The following ANKRD44 variants were observed in gnomAD, a reference collection of about 807,000 sequenced individuals.
ANKRD44 encodes serine/threonine-protein phosphatase 6 regulatory ankyrin repeat subunit B.
ANKRD44 carries 35 observed loss-of-function variants against 116.0 expected under a neutral mutation model. The observed-to-expected ratio is 0.30, with a 90% confidence interval of 0.23 to 0.40. The LOEUF is 0.40. ANKRD44 is among the 10% of genes least tolerant of loss of function. The pLI is 1.00. For synonymous variants in ANKRD44, 435 were observed against 461.8 expected (o/e 0.94, Z 0.74); for missense variants, 1,014 against 1,242.6 (o/e 0.82, Z 2.77).
chr2:197,051,273 C>A (rs2077102129), intron 16 of ANKRD44, among the ~76,000 whole-genome samples: 1 of 152,134 alleles, frequency 6.6e-6, no homozygotes, highest in Non-Finnish European at 1.5e-5. Flanking sequence ...CCTTTCTTAT[C>A]ACTTTTAAGG....
chr2:197,204,152 T>C (rs2081153744), intron 1 of ANKRD44, among the ~76,000 whole-genome samples: 1 of 152,128 alleles, frequency 6.6e-6, no homozygotes, highest in African/African-American at 2.4e-5. Flanking sequence ...CTTATTAAAA[T>C]TGGCCTTTTG....
At chr2:197,122,195 A>G (rs984656344) in intron 7 of ANKRD44, among the ~76,000 whole-genome samples, 4 of 152,056 alleles carry the variant, frequency 2.6e-5, no homozygotes, top group Admixed American at 2.0e-4. Context: ...GGGGGACAGG[A>G]TGTTCCAGCC....
chr2:197,284,930 G>A (rs1444420291), intron 1 of ANKRD44, among the ~76,000 whole-genome samples: 1 of 151,348 alleles, frequency 6.6e-6, no homozygotes, highest in Non-Finnish European at 1.5e-5. Context: ...TCAATGTTAA[G>A]ATACGAAGAG....
At chr2:197,257,371 AG>A (rs1222694263) in intron 1 of ANKRD44, among the ~76,000 whole-genome samples, 1 of 130,070 alleles carries the variant, frequency 7.7e-6, no homozygotes, top group Non-Finnish European at 1.7e-5. Flanking sequence ...GAAACACAGA[AG>A]TTTTTTTTTT....
intron 16 of ANKRD44, among the ~76,000 whole-genome samples, chr2:197,055,157 A>G (rs2077180282): frequency 6.6e-6 from 1 of 152,174 alleles, no homozygotes; most frequent in African/African-American, 2.4e-5. Flanking sequence ...TAACACACAC[A>G]TTGTAGTTCT....
At chr2:197,271,925 G>A (rs1278247999) in intron 1 of ANKRD44, among the ~76,000 whole-genome samples, 4 of 152,042 alleles carry the variant, frequency 2.6e-5, no homozygotes, top group African/African-American at 9.7e-5. Context: ...CTGTCTTAGA[G>A]GGCTGCTATT....
intron 4 of ANKRD44, among the ~76,000 whole-genome samples, chr2:197,127,349 T>C (rs2078998832): frequency 1.3e-5 from 2 of 152,202 alleles, no homozygotes; most frequent in Admixed American, 6.5e-5. Context: ...TTTAATATAA[T>C]ATTTTGGCAA....
At chr2:197,080,097 C>T (rs2077759531) in intron 15 of ANKRD44, among the ~76,000 whole-genome samples, 1 of 152,176 alleles carries the variant, frequency 6.6e-6, no homozygotes, top group Non-Finnish European at 1.5e-5. Context: ...GAATTTGACT[C>T]TTTAAATGAA....
In ANKRD44 at chr2:197,153,225, C is replaced by CAAAAAAAAAAAAAA. The variant is rs75600123; in HGVS notation, c.112-6134_112-6121dup. 1.9e-4 allele frequency among the ~76,000 whole-genome samples: 13 copies of CAAAAAAAAAAAAAA among 69,326 alleles called. No homozygotes were observed. The East Asian group carries it at 2.1e-3, about 11-fold the overall frequency. The allele number at this position is 69,326 out of a possible 152,430, so 45.5% of individuals were successfully genotyped here. ...TCTGGGTGACAGAGCAAGACCCTGC[C>CAAAAAAAAAAAAAA]AAAAAAAAAAAAAAAAAAAAAAGAA... On this transcript the variant is annotated intron_variant, in intron 2 of 27. Transcript: ENST00000282272.
chr2:196,987,447 A>C lies in ANKRD44; in HGVS notation c.*2144T>G. 1.0e-6 allele frequency: 1 copy of C among 985,406 alleles called. No individual in the cohort carries two copies. Among genetic ancestry groups the C allele is most frequent in the Non-Finnish European group, 1.2e-6 (1 of 829,890 alleles). 61.0% of individuals were successfully genotyped at this position (985,406 alleles called of 1,614,324 possible). On this transcript the variant is annotated 3_prime_UTR_variant, in exon 28 of 28. Coordinates refer to ENST00000282272, the MANE Select transcript of ANKRD44 (RefSeq NM_001195144.2). ...AGGCACTCTAACTTCATATTACAAG[A>C]CAATAAAACGGATGAGTTCTTCAAC...
intron 1 of ANKRD44, among the ~76,000 whole-genome samples, chr2:197,200,850 T>C (rs1325731673): frequency 1.3e-5 from 2 of 152,242 alleles, no homozygotes; most frequent in Non-Finnish European, 2.9e-5. Context: ...GTCACTACAG[T>C]GTTGGTCTTT....
intron 1 of ANKRD44, among the ~76,000 whole-genome samples, chr2:197,197,458 ACC>A (rs1334618127): frequency 6.6e-6 from 1 of 152,212 alleles, no homozygotes; most frequent in Non-Finnish European, 1.5e-5. Flanking sequence ...ATTTCAGATA[ACC>A]ACATTCAATT....
At chr2:197,058,094 T>C (rs2077238553) in intron 16 of ANKRD44, among the ~76,000 whole-genome samples, 1 of 152,210 alleles carries the variant, frequency 6.6e-6, no homozygotes, top group Admixed American at 6.5e-5. Flanking sequence ...GTATACTGTA[T>C]GTTCTTAATA....
At position 196,979,554 on chromosome 2, in the gene ANKRD44, C is replaced by CTTTTTTT. The variant is rs71012942; in HGVS notation, c.2369-12115_2369-12109dup. ...CAGCCTGAGTAATTTAATAAGATGA[C>CTTTTTTT]TTTTTTTTTTTTTTTTTTTTTTTTT... On this transcript the variant is annotated intron_variant, in intron 21 of 21. Coordinates refer to the ANKRD44 transcript ENST00000424317. Among the ~76,000 whole-genome samples the CTTTTTTT allele has an allele frequency of 3.3e-3, 195 of 59,640 alleles. 10 individuals are homozygous for CTTTTTTT. The highest frequency in any genetic ancestry group is 7.6e-3 in the South Asian group (9 of 1,178). The allele number at this position is 59,640 out of a possible 152,430, so 39.1% of individuals were successfully genotyped here. A position where few individuals can be genotyped will look rare whatever the true frequency, so the allele number is the denominator to read the frequency against.
intron 2 of ANKRD44, among the ~76,000 whole-genome samples, chr2:197,181,410 A>G (rs545983421): frequency 6.6e-6 from 1 of 152,352 alleles, no homozygotes; most frequent in African/African-American, 2.4e-5. Flanking sequence ...ATGATACTTT[A>G]AAAAACGAAA....
intron 20 of ANKRD44, among the ~76,000 whole-genome samples, chr2:197,006,152 T>C (rs1322521893): frequency 2.0e-5 from 3 of 152,114 alleles, no homozygotes; most frequent in Non-Finnish European, 4.4e-5. Flanking sequence ...GTGAAAGATA[T>C]CATGATGCGG....
intron 16 of ANKRD44, among the ~76,000 whole-genome samples, chr2:197,043,642 A>G (rs2076950801): frequency 6.6e-6 from 1 of 152,240 alleles, no homozygotes; most frequent in African/African-American, 2.4e-5. Context: ...GATGAAAGGC[A>G]GGTGAAAAAA....
intron 16 of ANKRD44, among the ~76,000 whole-genome samples, chr2:197,074,941 G>A (rs1032764688): frequency 2.6e-5 from 4 of 152,164 alleles, no homozygotes; most frequent in African/African-American, 9.7e-5. Context: ...GTTGCTTTCA[G>A]TCTTTCTTCA....
At position 197,053,120 on chromosome 2, in the gene ANKRD44, G is replaced by A. The variant is rs557225353; in HGVS notation, c.1650+25583C>T. Among the ~76,000 whole-genome samples, 152 of 152,182 alleles carry A rather than the reference G, an allele frequency of 1.0e-3. 7 individuals are homozygous for A. The highest frequency in any genetic ancestry group is 2.9e-3 in the South Asian group (14 of 4,820). On this transcript the variant is annotated intron_variant, in intron 16 of 27. Coordinates refer to ENST00000282272, the MANE Select transcript of ANKRD44 (RefSeq NM_001195144.2). ...CAGGAGGTGGAGGCTGTGGTGAGCCGAGATCGCACCACTGCACTCCAGCCT... is the reference window on the plus strand; with the variant it reads ...CAGGAGGTGGAGGCTGTGGTGAGCCAAGATCGCACCACTGCACTCCAGCCT...
Sources: gnomAD v4.1 joint callset for allele counts (sites outside exome capture counted in the v4.1 genomes callset) on GRCh38, gnomAD v4.1.1 for gene constraint, MANE v1.5 for transcripts, NCBI Gene and HGNC (gene_info 2026-07-23, HGNC 2026-07-21) for gene names.